ITPR2: variants seen among roughly 807,000 people sequenced by gnomAD.
ITPR2 encodes inositol 1,4,5-trisphosphate receptor type 2, also known as inositol 1,4,5-trisphosphate-gated calcium channel ITPR2.
In ITPR2, 207 loss-of-function variants were observed where a neutral mutation model predicts 317.1. That is an observed-to-expected ratio of 0.65 (90% CI 0.58 to 0.73). The LOEUF is 0.73. Ranked by LOEUF, ITPR2 falls within the 30% of genes least tolerant of loss-of-function variation. The probability of loss-of-function intolerance (pLI) is 0.00; values close to 1 mark genes in which losing one functional copy is unlikely to be tolerated. For synonymous variants in ITPR2, 1,156 were observed against 1,149.1 expected (o/e 1.01, Z -0.12); for missense variants, 2,613 against 3,284.0 (o/e 0.80, Z 4.99).
intron 2 of ITPR2, among the ~76,000 whole-genome samples, chr12:26,775,959 T>TATATATATATATATACACACA (rs1263788006): frequency 6.9e-6 from 1 of 145,082 alleles, no homozygotes; most frequent in Non-Finnish European, 1.5e-5. Flanking sequence ...TATATGTATA[T>TATATATATATATATACACACA]CCTATTAGTT....
chr12:26,473,751 T>A (rs114855964), intron 45 of ITPR2, among the ~76,000 whole-genome samples: 1 of 152,202 alleles, frequency 6.6e-6, no homozygotes, highest in Non-Finnish European at 1.5e-5. Flanking sequence ...ATTCAATCTC[T>A]AGCCATTCCT....
Position 26,715,777 on chromosome 12 carries a change from G to A in ITPR2, c.683C>T (p.Ser228Phe), listed in dbSNP as rs868019660. The change falls in exon 7 of 57, where the codon TCC (serine) becomes TTC (phenylalanine). Residue 228 changes from serine to phenylalanine, a missense_variant. Around this residue, in one of 9 missense-constraint regions of ITPR2, gnomAD observed 515 missense variants for 789.4 expected, o/e 0.65. Coordinates refer to ENST00000381340, the MANE Select transcript of ITPR2 (RefSeq NM_002223.4). Reference protein sequence around the residue: ...WKITLFMKYSSYREDVLKGGD... With the variant: ...WKITLFMKYSFYREDVLKGGD... ...TCCTTTTAATACATCCTCTCGATAG[G>A]AACTATATTTCATGAATAAAGTGAT... 12 of 1,606,690 alleles carry A rather than the reference G, an allele frequency of 7.5e-6. No individual in the cohort carries two copies. Among genetic ancestry groups the A allele is most frequent in the Non-Finnish European group, 9.4e-6 (11 of 1,173,952 alleles).
At chr12:26,568,694 A>G (rs1329372326) in intron 34 of ITPR2, among the ~76,000 whole-genome samples, 1 of 152,206 alleles carries the variant, frequency 6.6e-6, no homozygotes, top group Non-Finnish European at 1.5e-5. Context: ...GGCAACAGAA[A>G]GTGTAAGCAT....
chr12:26,426,816 T>C (rs1202449321), intron 49 of ITPR2, among the ~76,000 whole-genome samples: 1 of 151,328 alleles, frequency 6.6e-6, no homozygotes, highest in Non-Finnish European at 1.5e-5. Flanking sequence ...TAATTCATTT[T>C]AATAAATAAA....
At chr12:26,511,446 A>AT (rs1269517057) in intron 37 of ITPR2, among the ~76,000 whole-genome samples, 1 of 152,194 alleles carries the variant, frequency 6.6e-6, no homozygotes, top group Non-Finnish European at 1.5e-5. Context: ...GGTTGGTATG[A>AT]TTTTCTCACT....
At chr12:26,810,763 T>C (rs1361852547) in intron 1 of ITPR2, among the ~76,000 whole-genome samples, 1 of 152,216 alleles carries the variant, frequency 6.6e-6, no homozygotes, top group Admixed American at 6.5e-5. Context: ...ATTTCACCCT[T>C]TAACTTCCCT....
chr12:26,655,866 A>C lies in ITPR2; in HGVS notation c.2445-14T>G. On this transcript the variant is annotated splice_polypyrimidine_tract_variant and intron_variant, in intron 19 of 56. Coordinates refer to ENST00000381340, the MANE Select transcript of ITPR2 (RefSeq NM_002223.4). ...ATAGAATCATATCTGGAAATAGAGA[A>C]AGAAGATAACGCAAGTTAAACTGAT... 6.2e-7 allele frequency: 1 copy of C among 1,601,592 alleles called. No homozygotes were observed. The highest frequency in any genetic ancestry group is 1.1e-5 in the South Asian group (1 of 89,816).
intron 31 of ITPR2, among the ~76,000 whole-genome samples, chr12:26,595,996 A>AT: frequency 6.6e-6 from 1 of 152,178 alleles, no homozygotes; most frequent in Non-Finnish European, 1.5e-5. Context: ...TGGATGCCTC[A>AT]TTAATAGAAG....
intron 37 of ITPR2, among the ~76,000 whole-genome samples, chr12:26,500,285 G>A (rs186616676): frequency 6.6e-6 from 1 of 152,328 alleles, no homozygotes; most frequent in Admixed American, 6.5e-5. Flanking sequence ...TGCCAGGGTT[G>A]CAAATAATTG....
intron 37 of ITPR2, among the ~76,000 whole-genome samples, chr12:26,538,570 T>A (rs1944166751): frequency 7.4e-6 from 1 of 135,448 alleles, no homozygotes; most frequent in African/African-American, 3.0e-5. Context: ...TTTTTTTTTC[T>A]TTTTTTCTTT....
At chr12:26,658,196 G>C in intron 16 of ITPR2, 66 bp from the exon 17 acceptor site, 1 of 1,117,454 alleles carries the variant, frequency 8.9e-7, no homozygotes, top group Non-Finnish European at 1.2e-6. Flanking sequence ...TCACAATAAA[G>C]ACATAATTTG....
intron 34 of ITPR2, among the ~76,000 whole-genome samples, chr12:26,571,567 A>G (rs934177509): frequency 9.2e-5 from 14 of 152,382 alleles, no homozygotes; most frequent in African/African-American, 3.1e-4. Flanking sequence ...CAGGTAACAC[A>G]TCTGCTTAAA....
chr12:26,356,049 G>A (rs1267047908), intron 55 of ITPR2, among the ~76,000 whole-genome samples: 2 of 152,204 alleles, frequency 1.3e-5, no homozygotes, highest in African/African-American at 4.8e-5. Context: ...AGACCAATAT[G>A]TTATTCTGGG....
At chr12:26,543,036 C>T (rs1048347264) in intron 37 of ITPR2, among the ~76,000 whole-genome samples, 24 of 152,010 alleles carry the variant, frequency 1.6e-4, no homozygotes, top group Non-Finnish European at 3.2e-4. Flanking sequence ...ATGTTTTTCC[C>T]TTTTTATGAG....
intron 16 of ITPR2, 40 bp from the exon 17 acceptor site, chr12:26,658,170 G>T: frequency 7.1e-7 from 1 of 1,403,846 alleles, no homozygotes; most frequent in Non-Finnish European, 9.5e-7. Context: ...TGAAGACAAA[G>T]CATTTTATAA....
At chr12:26,633,703 A>T (rs2136839532) in intron 21 of ITPR2, among the ~76,000 whole-genome samples, 1 of 152,342 alleles carries the variant, frequency 6.6e-6, no homozygotes, top group African/African-American at 2.4e-5. Context: ...CATGGACTGC[A>T]GGGAGGCACA....
chr12:26,690,860 G>A (rs1017782945), intron 10 of ITPR2, among the ~76,000 whole-genome samples: 6 of 152,142 alleles, frequency 3.9e-5, no homozygotes, highest in African/African-American at 1.4e-4. Context: ...AAGACCTGTG[G>A]TTTTATTTTA....
rs750233169 is a variant in ITPR2, at chr12:26,602,378, AGG to A, written c.3668_3669del (p.Pro1223LeufsTer2). On this transcript the variant is annotated frameshift_variant, in exon 28 of 57. Transcript: ENST00000381340. LOFTEE classifies it high-confidence loss of function. ...HSVVLDLLQI[P>X]YEKNDEKMNE... is the part of the protein sequence containing the mutation. ...AAATAACCAGGACTAACCTTTTCATAGGGTATCTGCAGAAGATCCAACACCAC... is the reference window on the plus strand; with the variant it reads ...AAATAACCAGGACTAACCTTTTCATAGTATCTGCAGAAGATCCAACACCAC... 1 of 1,611,658 alleles carries A rather than the reference AGG, an allele frequency of 6.2e-7. No homozygotes were observed.
chr12:26,355,100 AC>A (rs1186474125), intron 55 of ITPR2, among the ~76,000 whole-genome samples: 1 of 152,104 alleles, frequency 6.6e-6, no homozygotes, highest in Non-Finnish European at 1.5e-5. Flanking sequence ...TTTTAATGAG[AC>A]CTCTAGGTGG....
Sources: gnomAD v4.1 joint callset for allele counts (sites outside exome capture counted in the v4.1 genomes callset) on GRCh38, gnomAD v4.1.1 for gene constraint, gnomAD v4.1.1 regional missense constraint, MANE v1.5 for transcripts, NCBI Gene and HGNC (gene_info 2026-07-23, HGNC 2026-07-21) for gene names.